Variants in PRLR observed in about 807,000 individuals in gnomAD.
PRLR encodes the protein prolactin receptor, also known as hPRL receptor.
A neutral mutation model predicts 40.2 loss-of-function variants in PRLR; 13 were observed. That is an observed-to-expected ratio of 0.32 (90% CI 0.21 to 0.51). PRLR has a LOEUF of 0.51. Among genes scored for constraint, PRLR ranks in the 20% least tolerant of loss-of-function variants. The pLI is 0.97. For missense variants in PRLR, 656 were observed against 747.3 expected (o/e 0.88, Z 1.42); for synonymous variants, 269 against 278.7 (o/e 0.97, Z 0.35).
chr5:35,127,842 G>A (rs1289133004), intron 1 of PRLR, among the ~76,000 whole-genome samples: 1 of 152,140 alleles, frequency 6.6e-6, no homozygotes, highest in Non-Finnish European at 1.5e-5. Flanking sequence ...GTTGCCAGGG[G>A]CTGGGGATCA....
chr5:35,105,933 C>T (rs1465234205), intron 2 of PRLR, among the ~76,000 whole-genome samples: 1 of 152,076 alleles, frequency 6.6e-6, no homozygotes, highest in Non-Finnish European at 1.5e-5. Flanking sequence ...GTCAGATTCA[C>T]CAAAGTTGAA....
intron 2 of PRLR, among the ~76,000 whole-genome samples, chr5:35,113,669 C>A (rs1218781461): frequency 6.6e-6 from 1 of 152,228 alleles, no homozygotes; most frequent in African/African-American, 2.4e-5. Flanking sequence ...CCTCCTAGTA[C>A]TTCCAGTCTC....
At chr5:35,107,215 A>C (rs1217312906) in intron 2 of PRLR, among the ~76,000 whole-genome samples, 1 of 152,220 alleles carries the variant, frequency 6.6e-6, no homozygotes, top group East Asian at 1.9e-4. Flanking sequence ...TCTCTGGGAC[A>C]CATTTAAAGC....
intron 1 of PRLR, among the ~76,000 whole-genome samples, chr5:35,129,151 T>C (rs1037656701): frequency 6.6e-6 from 1 of 152,182 alleles, no homozygotes; most frequent in Non-Finnish European, 1.5e-5. Context: ...GGTGGTTATG[T>C]AGGCAGCTTT....
chr5:35,224,255 C>T (rs1164153475), intron 1 of PRLR, among the ~76,000 whole-genome samples: 1 of 152,206 alleles, frequency 6.6e-6, no homozygotes, highest in African/African-American at 2.4e-5. Context: ...CTCCCCGCCC[C>T]ACATCTAACT....
At chr5:35,115,900 C>T (rs978742597) in intron 2 of PRLR, among the ~76,000 whole-genome samples, 38 of 152,214 alleles carry the variant, frequency 2.5e-4, no homozygotes, top group African/African-American at 8.9e-4. Context: ...TTACTCTTAA[C>T]TTTTAATCCC....
At chr5:35,049,887 T>C (rs1400005689) in intron 8 of PRLR, among the ~76,000 whole-genome samples, 2 of 151,638 alleles carry the variant, frequency 1.3e-5, no homozygotes, top group African/African-American at 4.8e-5. Context: ...AAACTAACAT[T>C]GCACGAAACT....
intron 1 of PRLR, among the ~76,000 whole-genome samples, chr5:35,219,986 C>T (rs1776376026): frequency 6.6e-6 from 1 of 152,164 alleles, no homozygotes; most frequent in Admixed American, 6.5e-5. Context: ...AAATTCCATC[C>T]TGAATCCAAC....
intron 1 of PRLR, among the ~76,000 whole-genome samples, chr5:35,130,000 G>A (rs1402820744): frequency 6.6e-6 from 1 of 152,128 alleles, no homozygotes; most frequent in Non-Finnish European, 1.5e-5. Context: ...GAATGCAGAG[G>A]GTGAAGTCAC....
intron 1 of PRLR, among the ~76,000 whole-genome samples, chr5:35,204,294 T>A (rs1775956672): frequency 6.6e-6 from 1 of 151,930 alleles, no homozygotes; most frequent in Admixed American, 6.6e-5. Flanking sequence ...GTTATCTTAC[T>A]CTTGAGTTGG....
Position 35,059,481 on chromosome 5 carries a change from G to T in PRLR, c.*5608C>A, listed in dbSNP as rs182443378. 6.6e-6 allele frequency: 1 copy of T among 152,182 alleles called. No homozygotes were observed. The highest frequency in any genetic ancestry group is 1.5e-5 in the Non-Finnish European group (1 of 68,008). 9.4% of individuals were successfully genotyped at this position (152,182 alleles called of 1,614,324 possible). A position where few individuals can be genotyped will look rare whatever the true frequency, so the allele number is the denominator to read the frequency against. ...TCTTAGACATAAACTCATAAAATCT[G>T]TTCAGAACACTGAACAGATTTAGAT... On this transcript the variant is annotated 3_prime_UTR_variant, in exon 10 of 10. Transcript: ENST00000618457.
downstream of PRLR, among the ~76,000 whole-genome samples, chr5:35,054,486 GA>G (rs59589393): frequency 0.053 from 7,994 of 152,174 alleles, 717 homozygotes; most frequent in African/African-American, 0.18. Flanking sequence ...TTATGGCAAT[GA>G]AAATTAAATG....
In PRLR at chr5:35,063,212, G is replaced by C. The variant is rs950544907; in HGVS notation, c.*1877C>G. 1.3e-5 allele frequency: 2 copies of C among 152,170 alleles called. No homozygotes were observed. Among genetic ancestry groups the C allele is most frequent in the African/African-American group, 4.8e-5 (2 of 41,448 alleles). The allele number at this position is 152,170 out of a possible 1,614,324, so 9.4% of individuals were successfully genotyped here. A position where few individuals can be genotyped will look rare whatever the true frequency, so the allele number is the denominator to read the frequency against. On this transcript the variant is annotated 3_prime_UTR_variant, in exon 10 of 10. Transcript: ENST00000618457. ...CTCACATGATATTGTTTATATATTA[G>C]AAAAATGGAGCTTCGTATCTATTGC...
intron 1 of PRLR, among the ~76,000 whole-genome samples, chr5:35,174,649 C>A (rs1359645010): frequency 6.6e-6 from 1 of 152,180 alleles, no homozygotes; most frequent in African/African-American, 2.4e-5. Context: ...TGAAACCCTC[C>A]CACTTGCCCC....
chr5:35,069,378 G>T (rs1397010096), intron 7 of PRLR, among the ~76,000 whole-genome samples: 3 of 152,198 alleles, frequency 2.0e-5, no homozygotes, highest in Non-Finnish European at 4.4e-5. Context: ...CAAGAGTCAG[G>T]AGTGGACTAG....
At chr5:35,049,888 G>T (rs1047503808) in intron 8 of PRLR, among the ~76,000 whole-genome samples, 4 of 149,230 alleles carry the variant, frequency 2.7e-5, no homozygotes, top group Non-Finnish European at 5.9e-5. Context: ...AACTAACATT[G>T]CACGAAACTA....
chr5:35,065,177 T>G lies in PRLR; in HGVS notation c.1781A>C (p.Asn594Thr), dbSNP rs775048449. The G allele has an allele frequency of 6.2e-7, 1 of 1,614,242 alleles. No individual in the cohort carries two copies. Among genetic ancestry groups the G allele is most frequent in the Admixed American group, 1.7e-5 (1 of 60,032 alleles). The stretch of plus-strand genomic sequence containing the variant: ...GCACTTGCTTGATGTTGCAGTGAAG[T>G]TGGCCAGGGCTTTCTCAGCTTGATT... ...EQNQAEKALA[N>T]FTATSSKCRL... Residue 594 changes from asparagine to threonine, a missense_variant, in exon 10 of 10, where the codon AAC becomes ACC. Around this residue, in one of 3 missense-constraint regions of PRLR, gnomAD observed 469 missense variants for 491.5 expected, o/e 0.95. Coordinates refer to ENST00000618457, the MANE Select transcript of PRLR (RefSeq NM_000949.7).
At chr5:35,088,866 C>T (rs1771024699) in intron 3 of PRLR, among the ~76,000 whole-genome samples, 1 of 152,194 alleles carries the variant, frequency 6.6e-6, no homozygotes, top group Non-Finnish European at 1.5e-5. Flanking sequence ...CGGATATACA[C>T]AGAACACACA....
chr5:35,074,734 G>A (rs1769964659), intron 5 of PRLR, among the ~76,000 whole-genome samples: 1 of 151,956 alleles, frequency 6.6e-6, no homozygotes, highest in Non-Finnish European at 1.5e-5. Context: ...AGTTGAAATG[G>A]TGGATATGTG....
Sources: gnomAD v4.1 joint callset for allele counts (sites outside exome capture counted in the v4.1 genomes callset) on GRCh38, gnomAD v4.1.1 for gene constraint, gnomAD v4.1.1 regional missense constraint, MANE v1.5 for transcripts, NCBI Gene and HGNC (gene_info 2026-07-23, HGNC 2026-07-21) for gene names.